LMBRD1: variants seen among roughly 807,000 people sequenced by gnomAD.
LMBRD1 encodes the protein lysosomal cobalamin transport escort protein LMBD1.
A neutral mutation model predicts 74.8 loss-of-function variants in LMBRD1; 64 were observed. The ratio of observed to expected loss-of-function variants is 0.86; its 90% CI spans 0.70 to 1.05. The LOEUF is 1.05. LMBRD1 is among the 50% of genes least tolerant of loss of function. The pLI, the probability that LMBRD1 is intolerant of heterozygous loss-of-function variation, is 0.00. For synonymous variants in LMBRD1, 204 were observed against 216.3 expected (o/e 0.94, Z 0.50); for missense variants, 652 against 645.9 (o/e 1.01, Z -0.10).
chr6:69,687,589 C>T (rs892928745), intron 14 of LMBRD1, among the ~76,000 whole-genome samples: 3 of 152,052 alleles, frequency 2.0e-5, no homozygotes, highest in Non-Finnish European at 2.9e-5. Flanking sequence ...CTTAGAATTT[C>T]ACGACTAACA....
chr6:69,745,342 T>C (rs1243123365), intron 5 of LMBRD1, among the ~76,000 whole-genome samples: 8 of 148,460 alleles, frequency 5.4e-5, no homozygotes, highest in East Asian at 4.0e-4. Context: ...CACTGCAAGC[T>C]CCGCTTCCCG....
chr6:69,773,364 C>T (rs1765614306), intron 3 of LMBRD1, among the ~76,000 whole-genome samples: 1 of 152,114 alleles, frequency 6.6e-6, no homozygotes, highest in South Asian at 2.1e-4. Flanking sequence ...ATTTCTGTTC[C>T]TTACAAATTA....
At chr6:69,696,059 G>C (rs1765990312) in intron 14 of LMBRD1, among the ~76,000 whole-genome samples, 1 of 152,098 alleles carries the variant, frequency 6.6e-6, no homozygotes, top group Non-Finnish European at 1.5e-5. Context: ...GGCCAGGCTG[G>C]TCTCAAACTC....
At chr6:69,706,139 C>A (rs1187108125) in intron 9 of LMBRD1, 2 of 541,738 alleles carry the variant, frequency 3.7e-6, no homozygotes, top group Non-Finnish European at 6.9e-6. Flanking sequence ...GGGTTTATGT[C>A]CATGTCCATC....
chr6:69,720,627 C>T (rs911808078), intron 7 of LMBRD1, among the ~76,000 whole-genome samples: 3 of 151,782 alleles, frequency 2.0e-5, no homozygotes, highest in Admixed American at 6.6e-5. Context: ...ATTGAGCATC[C>T]CTAATCTGAA....
intron 7 of LMBRD1, among the ~76,000 whole-genome samples, chr6:69,726,859 T>G (rs1365037457): frequency 6.6e-6 from 1 of 152,002 alleles, no homozygotes; most frequent in Non-Finnish European, 1.5e-5. Flanking sequence ...TCGTTGTACA[T>G]TTTAAAATAA....
In LMBRD1 at chr6:69,676,277, A is replaced by C; in HGVS notation, c.1510-6T>G. The stretch of plus-strand genomic sequence containing the variant: ...ATTAATCCAATCAAAAATACCTGTA[A>C]ATTTAAATAAGCCATGTGTTATTTT... On this transcript the variant is annotated splice_region_variant and splice_polypyrimidine_tract_variant and intron_variant, in intron 15 of 15. Coordinates refer to ENST00000649934, the MANE Select transcript of LMBRD1 (RefSeq NM_018368.4). The C allele has an allele frequency of 3.1e-6, 5 of 1,611,714 alleles. No homozygotes were observed. The highest frequency in any genetic ancestry group is 4.2e-6 in the Non-Finnish European group (5 of 1,178,566).
intron 3 of LMBRD1, among the ~76,000 whole-genome samples, chr6:69,761,790 A>C (rs943052727): frequency 4.9e-5 from 2 of 40,790 alleles, no homozygotes; most frequent in African/African-American, 2.2e-4. Flanking sequence ...GCCAGTTCAC[A>C]AATAATCCCC....
chr6:69,699,063 T>G lies in LMBRD1; in HGVS notation c.1318A>C (p.Ser440Arg), dbSNP rs1228751529. The G allele has an allele frequency of 6.2e-7, 1 of 1,600,590 alleles. No homozygotes were observed. ...CTTACCTCTATTAAGTAATTTTGGC[T>G]TCCATACATAACATATTGGGGAGCA... ...SLAPQYVMYGSQNYLIETNIT... is the reference protein window; with the variant it reads ...SLAPQYVMYGRQNYLIETNIT... The change falls in exon 13 of 16, where the codon AGC becomes CGC. Residue 440 changes from serine to arginine, a missense_variant. Coordinates refer to ENST00000649934, the MANE Select transcript of LMBRD1 (RefSeq NM_018368.4).
chr6:69,766,345 C>G (rs1229094580), intron 3 of LMBRD1, among the ~76,000 whole-genome samples: 1 of 151,792 alleles, frequency 6.6e-6, no homozygotes, highest in Non-Finnish European at 1.5e-5. Context: ...TCCTCTGTAA[C>G]TATTTTGCTG....
In LMBRD1 at chr6:69,751,071, T is replaced by G. The variant is rs916212823; in HGVS notation, c.405+1188A>C. Among the ~76,000 whole-genome samples, 5 of 152,260 alleles carry G rather than the reference T, an allele frequency of 3.3e-5. No individual in the cohort carries two copies. In the East Asian group the frequency reaches 9.6e-4, roughly 29 times the overall value. Reference sequence around the variant, plus strand: ...TTCCCCTAAATTACAGTGTTCGATTTTGACATATACCTTTTAACATATATT... The same window carrying G: ...TTCCCCTAAATTACAGTGTTCGATTGTGACATATACCTTTTAACATATATT... On this transcript the variant is annotated intron_variant, in intron 4 of 15. Transcript: ENST00000649934.
intron 14 of LMBRD1, among the ~76,000 whole-genome samples, chr6:69,687,533 T>G (rs1765789782): frequency 6.6e-6 from 1 of 152,142 alleles, no homozygotes; most frequent in South Asian, 2.1e-4. Flanking sequence ...TAAGTAAAAT[T>G]AAATGACCTA....
intron 14 of LMBRD1, among the ~76,000 whole-genome samples, chr6:69,692,868 T>G (rs1182709771): frequency 1.3e-5 from 2 of 152,114 alleles, no homozygotes; most frequent in Non-Finnish European, 2.9e-5. Context: ...AGGTAAGTGC[T>G]GAACATGTGT....
intron 9 of LMBRD1, among the ~76,000 whole-genome samples, chr6:69,708,019 T>G (rs1302912332): frequency 3.3e-5 from 5 of 152,142 alleles, no homozygotes; most frequent in African/African-American, 4.8e-5. Context: ...GCAATATAAT[T>G]ACAAACATAA....
chr6:69,741,888 G>A lies in LMBRD1; in HGVS notation c.474-11C>T, dbSNP rs754639294. ...AATGGAACAAAGGCACTACAAAAGA[G>A]AAAATAATTGTTTTAATAGCTTTAA... On this transcript the variant is annotated splice_polypyrimidine_tract_variant and intron_variant, in intron 5 of 15. Coordinates refer to ENST00000649934, the MANE Select transcript of LMBRD1 (RefSeq NM_018368.4). 2.7e-6 allele frequency: 4 copies of A among 1,457,056 alleles called. No individual in the cohort carries two copies. The highest frequency in any genetic ancestry group is 3.8e-6 in the Non-Finnish European group (4 of 1,039,460). 90.3% of individuals were successfully genotyped at this position (1,457,056 alleles called of 1,614,324 possible).
chr6:69,693,009 T>C (rs1765922482), intron 14 of LMBRD1, among the ~76,000 whole-genome samples: 1 of 152,144 alleles, frequency 6.6e-6, no homozygotes, highest in South Asian at 2.1e-4. Flanking sequence ...CAAATGTACA[T>C]GGTCTTTTAA....
At chr6:69,720,343 A>T (rs1263414282) in intron 7 of LMBRD1, among the ~76,000 whole-genome samples, 1 of 152,190 alleles carries the variant, frequency 6.6e-6, no homozygotes, top group Non-Finnish European at 1.5e-5. Flanking sequence ...AGAAACACTT[A>T]AAAAACCTTG....
chr6:69,741,611 C>A (rs1767102888), intron 6 of LMBRD1, among the ~76,000 whole-genome samples, 178 bp downstream of exon 6: 1 of 152,104 alleles, frequency 6.6e-6, no homozygotes, highest in African/African-American at 2.4e-5. Context: ...GTCTCAAACT[C>A]CTGACCTCGT....
intron 3 of LMBRD1, among the ~76,000 whole-genome samples, chr6:69,769,839 A>G (rs893828431): frequency 4.0e-5 from 6 of 151,836 alleles, no homozygotes; most frequent in African/African-American, 1.5e-4. Context: ...TCCTGTGTCT[A>G]TATAGCTTAA....
Sources: gnomAD v4.1 joint callset for allele counts (sites outside exome capture counted in the v4.1 genomes callset) on GRCh38, gnomAD v4.1.1 for gene constraint, MANE v1.5 for transcripts, NCBI Gene and HGNC (gene_info 2026-07-23, HGNC 2026-07-21) for gene names.